MICAL3: variants seen among roughly 807,000 people sequenced by gnomAD.
The protein encoded by MICAL3 is microtubule associated monooxygenase, calponin and LIM domain containing 3.
In MICAL3, 62 loss-of-function variants were observed where a neutral mutation model predicts 207.4. The ratio of observed to expected loss-of-function variants is 0.30; its 90% CI spans 0.24 to 0.37. The LOEUF is 0.37. Among genes scored for constraint, MICAL3 ranks in the 10% least tolerant of loss-of-function variants. MICAL3 has a pLI of 1.00. For synonymous variants in MICAL3, 1,077 were observed against 1,069.3 expected (o/e 1.01, Z -0.14); for missense variants, 2,368 against 2,635.6 (o/e 0.90, Z 2.22).
Position 18,007,356 on chromosome 22 carries a change from G to A in MICAL3, c.-75+16925C>T, listed in dbSNP as rs557766409. The A allele has an allele frequency of 1.1e-4, 16 of 151,960 alleles. No individual in the cohort carries two copies. In the East Asian group the frequency reaches 1.7e-3, roughly 17 times the overall value. The allele number at this position is 151,960 out of a possible 1,614,324, so 9.4% of individuals were successfully genotyped here. ...CTTTTTAACAAAATTTGATCAAACT[G>A]CTTTGCAATCTACTTTTCTACTTAA... is the stretch of plus-strand genomic sequence containing the variant. On this transcript the variant is annotated intron_variant, in intron 1 of 31. Coordinates refer to ENST00000441493, the MANE Select transcript of MICAL3 (RefSeq NM_015241.3).
intron 29 of MICAL3, among the ~76,000 whole-genome samples, chr22:17,800,305 G>A (rs1426865570): frequency 2.6e-5 from 4 of 152,194 alleles, no homozygotes; most frequent in Non-Finnish European, 5.9e-5. Context: ...TAGAAGAAAT[G>A]TGGTTTTCTT....
At chr22:17,813,661 G>A (rs558637340) in intron 27 of MICAL3, 1 of 152,326 alleles carries the variant, frequency 6.6e-6, no homozygotes, top group South Asian at 2.1e-4. Context: ...TTCACCTATG[G>A]CTGATGTCAA....
chr22:17,820,644 G>A (rs1306758194), intron 25 of MICAL3, among the ~76,000 whole-genome samples: 5 of 152,074 alleles, frequency 3.3e-5, no homozygotes, highest in South Asian at 2.1e-4. Context: ...GTGAGCCACC[G>A]CGCCTGGCCA....
At chr22:17,898,684 C>T (rs1018157426) in intron 7 of MICAL3, among the ~76,000 whole-genome samples, 1 of 152,196 alleles carries the variant, frequency 6.6e-6, no homozygotes, top group Non-Finnish European at 1.5e-5. Flanking sequence ...GTGATTCTCA[C>T]GTTGAGACCA....
chr22:17,834,661 G>A, intron 20 of MICAL3: 1 of 984,774 alleles, frequency 1.0e-6, no homozygotes, highest in Non-Finnish European at 1.2e-6. Flanking sequence ...CAAGCACGGT[G>A]GGCGGAGGGC....
chr22:17,821,898 G>A, intron 24 of MICAL3, 132 bp downstream of exon 24: 2 of 1,173,194 alleles, frequency 1.7e-6, no homozygotes, highest in Middle Eastern at 2.1e-4. Flanking sequence ...AAGGCAAGGA[G>A]CTGCCCACAC....
At chr22:17,825,213 A>C (rs1922044690) in intron 22 of MICAL3, among the ~76,000 whole-genome samples, 2 of 152,116 alleles carry the variant, frequency 1.3e-5, no homozygotes, top group African/African-American at 4.8e-5. Flanking sequence ...GCGGGTGAGA[A>C]GTCTACACTC....
At chr22:18,000,428 G>A (rs1922817518) in intron 1 of MICAL3, among the ~76,000 whole-genome samples, 1 of 152,202 alleles carries the variant, frequency 6.6e-6, no homozygotes. Context: ...CCAAGATACG[G>A]GGCTGGTCCC....
intron 10 of MICAL3, among the ~76,000 whole-genome samples, chr22:17,894,240 C>T (rs1930634495): frequency 6.6e-6 from 1 of 151,614 alleles, no homozygotes; most frequent in Non-Finnish European, 1.5e-5. Flanking sequence ...AGGGAGGCCT[C>T]GTCTCTACAA....
At chr22:17,997,044 T>A (rs1227470093) in intron 1 of MICAL3, among the ~76,000 whole-genome samples, 3 of 139,944 alleles carry the variant, frequency 2.1e-5, no homozygotes, top group African/African-American at 7.9e-5. Context: ...CATCTCCCCA[T>A]CTAGTCTTTT....
intron 7 of MICAL3, among the ~76,000 whole-genome samples, chr22:17,897,220 C>T (rs1046884630): frequency 5.3e-5 from 8 of 151,958 alleles, no homozygotes; most frequent in Non-Finnish European, 7.4e-5. Flanking sequence ...GACGTGACTT[C>T]GAGACCAGCC....
Position 17,841,870 on chromosome 22 carries a change from T to C in MICAL3, c.2753A>G (p.Asn918Ser), listed in dbSNP as rs1924050348. The change falls in exon 20 of 32, where the codon AAC becomes AGC. Residue 918 changes from asparagine (N) to serine (S), a missense_variant. Physicochemically the swap from Asn to Ser is conservative, Grantham distance 46 (BLOSUM62 1). Around this residue, in one of 4 missense-constraint regions of MICAL3, gnomAD observed 1,770 missense variants for 1,863.2 expected, o/e 0.95. Coordinates refer to ENST00000441493, the MANE Select transcript of MICAL3 (RefSeq NM_015241.3). This position sits in a 1 kb window ranked among gnomAD's most constrained non-coding sequence, Gnocchi z 4.2. ...GCCCGTGTCCAGCACGCTGCTCAGG[T>C]TGTGCTCGGCCTGAGTCTCCTCCGG... is the stretch of plus-strand genomic sequence containing the variant. ...EVPEETQAEHNLSSVLDTGAE... is the reference protein window; with the variant it reads ...EVPEETQAEHSLSSVLDTGAE... 1 of 1,574,198 alleles carries C rather than the reference T, an allele frequency of 6.4e-7. No individual in the cohort carries two copies. Among genetic ancestry groups the C allele is most frequent in the Non-Finnish European group, 8.6e-7 (1 of 1,162,474 alleles).
rs907581990 is a variant in MICAL3, at chr22:17,827,721, T to C, written c.3116A>G (p.Asp1039Gly). 6.4e-7 allele frequency: 1 copy of C among 1,574,226 alleles called. No individual in the cohort carries two copies. Among genetic ancestry groups the C allele is most frequent in the Admixed American group, 1.8e-5 (1 of 54,764 alleles). The change falls in exon 22 of 32, where the codon GAC becomes GGC. Residue 1039 changes from aspartate to glycine, a missense_variant. Coordinates refer to ENST00000441493, the MANE Select transcript of MICAL3 (RefSeq NM_015241.3). The part of the protein sequence containing the change: ...HAADPLEIQA[D>G]VHWTHIRERE... ...CTCACGGATATGAGTCCAGTGCACG[T>C]CAGCCTGGATCTCCAGAGGATCCGC...
intron 1 of MICAL3, among the ~76,000 whole-genome samples, chr22:17,956,304 G>A (rs559333701): frequency 6.6e-6 from 1 of 152,314 alleles, no homozygotes; most frequent in East Asian, 1.9e-4. Flanking sequence ...GGGGAGAAGA[G>A]CCCAGAAACA....
intron 16 of MICAL3, chr22:17,879,278 C>G: frequency 7.2e-7 from 1 of 1,394,472 alleles, no homozygotes; most frequent in Non-Finnish European, 9.8e-7. Flanking sequence ...TCCCGCTGCC[C>G]CACCACCACA....
At chr22:17,834,474 G>A in intron 20 of MICAL3, 1 of 1,274,246 alleles carries the variant, frequency 7.8e-7, no homozygotes, top group Non-Finnish European at 1.0e-6. Flanking sequence ...CCAGCACTGT[G>A]GGAGGCTGAG....
At chr22:17,847,944 C>T (rs368336591) in intron 19 of MICAL3, among the ~76,000 whole-genome samples, 4 of 152,144 alleles carry the variant, frequency 2.6e-5, no homozygotes, top group Non-Finnish European at 5.9e-5. Context: ...AGATTATAGG[C>T]GTGAGCCACC....
At chr22:17,860,339 T>A (rs1273537777) in intron 19 of MICAL3, 1 of 984,382 alleles carries the variant, frequency 1.0e-6, no homozygotes, top group East Asian at 1.1e-4. Context: ...AAGGCAAAAA[T>A]GGAAGTGGAG....
chr22:17,803,085 T>C (rs2061956089), intron 29 of MICAL3, among the ~76,000 whole-genome samples: 1 of 152,010 alleles, frequency 6.6e-6, no homozygotes, highest in Non-Finnish European at 1.5e-5. Context: ...CACCCCAGAG[T>C]TTCTGATTCT....
Sources: gnomAD v4.1 joint callset for allele counts (sites outside exome capture counted in the v4.1 genomes callset) on GRCh38, gnomAD v4.1.1 for gene constraint, gnomAD v4.1.1 regional missense constraint, Gnocchi (gnomAD v3.1) non-coding constraint, MANE v1.5 for transcripts, NCBI Gene and HGNC (gene_info 2026-07-23, HGNC 2026-07-21) for gene names.